Variants in RORA observed in about 807,000 individuals in gnomAD.
RORA encodes nuclear receptor ROR-alpha.
A neutral mutation model predicts 69.5 loss-of-function variants in RORA; 7 were observed. The observed-to-expected ratio is 0.10, with a 90% CI of 0.06 to 0.19. The LOEUF (loss-of-function observed/expected upper bound fraction) is 0.19, where lower values mean the gene tolerates loss of function less well. Ranked by LOEUF, RORA falls within the 10% of genes least tolerant of loss-of-function variation. RORA has a pLI of 1.00. For synonymous variants in RORA, 261 were observed against 240.8 expected, an observed-to-expected ratio of 1.08 and a Z score of -0.78; for missense variants, 457 against 663.0, an observed-to-expected ratio of 0.69 and a Z score of 3.41.
chr15:60,914,476 A>T (rs1891813533), intron 1 of RORA, among the ~76,000 whole-genome samples: 1 of 152,222 alleles, frequency 6.6e-6, no homozygotes, highest in East Asian at 1.9e-4. Context: ...TTTGTGGTTT[A>T]TGGAATTGCC....
chr15:60,635,193 G>A (rs2069813364), intron 2 of RORA, among the ~76,000 whole-genome samples: 1 of 152,202 alleles, frequency 6.6e-6, no homozygotes, highest in African/African-American at 2.4e-5. Flanking sequence ...TGCAATTTAA[G>A]GATAGCTGTT....
chr15:61,069,714 T>A (rs2078313676), intron 1 of RORA, among the ~76,000 whole-genome samples: 1 of 132,584 alleles, frequency 7.5e-6, no homozygotes, highest in African/African-American at 2.6e-5. Flanking sequence ...CAGCAATTGC[T>A]TGAGGAAAAA....
intron 1 of RORA, among the ~76,000 whole-genome samples, chr15:60,973,071 CA>C (rs1209260133): frequency 1.3e-5 from 2 of 151,392 alleles, no homozygotes; most frequent in African/African-American, 4.9e-5. Flanking sequence ...GGAATTAGAA[CA>C]AAAAGTAGAG....
At chr15:60,829,808 A>C (rs2073017197) in intron 1 of RORA, among the ~76,000 whole-genome samples, 1 of 152,220 alleles carries the variant, frequency 6.6e-6, no homozygotes, top group African/African-American at 2.4e-5. Flanking sequence ...ACATTTATTA[A>C]TGTCTTCAGT....
At chr15:60,757,883 G>A (rs1029965351) in intron 1 of RORA, among the ~76,000 whole-genome samples, 7 of 151,942 alleles carry the variant, frequency 4.6e-5, no homozygotes, top group African/African-American at 7.3e-5. Context: ...ACAGCCACCC[G>A]TCACCCTCAG....
chr15:61,066,504 G>A (rs2078261599), intron 1 of RORA, among the ~76,000 whole-genome samples: 1 of 136,690 alleles, frequency 7.3e-6, no homozygotes, highest in African/African-American at 2.8e-5. Context: ...TCAGCTCACT[G>A]CAACCTCCAC....
At chr15:60,962,870 G>C (rs1216823747) in intron 1 of RORA, among the ~76,000 whole-genome samples, 2 of 152,236 alleles carry the variant, frequency 1.3e-5, no homozygotes, top group Admixed American at 1.3e-4. Context: ...GAAAATAGGT[G>C]CACCTTATGT....
intron 2 of RORA, among the ~76,000 whole-genome samples, chr15:60,587,966 A>G (rs2068383095): frequency 6.6e-6 from 1 of 152,178 alleles, no homozygotes; most frequent in Non-Finnish European, 1.5e-5. Context: ...ATGTCACACA[A>G]AATACTGACG....
intron 1 of RORA, among the ~76,000 whole-genome samples, chr15:61,088,918 A>C (rs573839840): frequency 1.2e-3 from 180 of 152,316 alleles, no homozygotes; most frequent in Non-Finnish European, 2.2e-3. Flanking sequence ...TGCAGGTGAG[A>C]AACACTGCTA....
intron 1 of RORA, among the ~76,000 whole-genome samples, chr15:60,687,631 G>A (rs1239808663): frequency 6.6e-6 from 1 of 152,204 alleles, no homozygotes; most frequent in Admixed American, 6.5e-5. Context: ...GCGCATGCCT[G>A]AAGTCCCAGC....
At chr15:60,775,045 G>A (rs952515091) in intron 1 of RORA, among the ~76,000 whole-genome samples, 7 of 152,162 alleles carry the variant, frequency 4.6e-5, no homozygotes, top group Non-Finnish European at 7.3e-5. Context: ...CACCCCACAC[G>A]TCTAAGATTT....
chr15:61,196,839 G>A (rs1362281594), intron 1 of RORA, among the ~76,000 whole-genome samples: 2 of 152,278 alleles, frequency 1.3e-5, no homozygotes, highest in Admixed American at 6.5e-5. Flanking sequence ...CGCATCAAAC[G>A]GAGGGCTGCT....
At chr15:60,749,869 A>T (rs904967272) in intron 1 of RORA, among the ~76,000 whole-genome samples, 1 of 152,130 alleles carries the variant, frequency 6.6e-6, no homozygotes, top group Non-Finnish European at 1.5e-5. Context: ...CTCTACTACA[A>T]ATTACAAAAA....
intron 2 of RORA, chr15:60,592,555 A>G (rs1379552655): frequency 2.5e-5 from 31 of 1,260,888 alleles, no homozygotes; most frequent in Non-Finnish European, 3.0e-5. Flanking sequence ...ATCCCGAGCC[A>G]TAAGAGGCTC....
At chr15:60,875,180 C>T (rs1415878584) in intron 1 of RORA, among the ~76,000 whole-genome samples, 1 of 152,170 alleles carries the variant, frequency 6.6e-6, no homozygotes, top group Non-Finnish European at 1.5e-5. Context: ...ATTCTGTTTA[C>T]TGCTGTATTC....
chr15:60,897,764 G>A (rs1891268782), intron 1 of RORA, among the ~76,000 whole-genome samples: 1 of 152,256 alleles, frequency 6.6e-6, no homozygotes, highest in African/African-American at 2.4e-5. Context: ...CCTGGAACAT[G>A]TGCAGTGTGA....
At chr15:61,088,573 T>C (rs909509433) in intron 1 of RORA, among the ~76,000 whole-genome samples, 4 of 152,162 alleles carry the variant, frequency 2.6e-5, no homozygotes, top group Non-Finnish European at 5.9e-5. Context: ...CTCTATCACC[T>C]ACAGGTAGTG....
At chr15:60,806,328 G>A (rs1158749124) in intron 1 of RORA, among the ~76,000 whole-genome samples, 2 of 152,160 alleles carry the variant, frequency 1.3e-5, no homozygotes, top group African/African-American at 4.8e-5. Flanking sequence ...CTGACTATAA[G>A]TTTTTCTCTG....
intron 1 of RORA, among the ~76,000 whole-genome samples, chr15:60,918,975 G>T (rs1455592404): frequency 6.6e-6 from 1 of 152,154 alleles, no homozygotes; most frequent in Admixed American, 6.5e-5. Context: ...GCTCTGTGGG[G>T]ACCAAGAGAA....
Sources: gnomAD v4.1 joint callset for allele counts (sites outside exome capture counted in the v4.1 genomes callset) on GRCh38, gnomAD v4.1.1 for gene constraint, MANE v1.5 for transcripts, NCBI Gene and HGNC (gene_info 2026-07-23, HGNC 2026-07-21) for gene names.